OLFM3: variants seen among roughly 807,000 people sequenced by gnomAD.
OLFM3 encodes the protein olfactomedin 3.
Under a neutral mutation model 48.6 loss-of-function variants are expected in OLFM3, and 20 were observed. That is an observed-to-expected ratio of 0.41 (90% confidence interval 0.29 to 0.60). The LOEUF (loss-of-function observed/expected upper bound fraction) is 0.60, where lower values mean the gene tolerates loss of function less well. OLFM3 is among the 20% of genes least tolerant of loss of function. The pLI is 0.28. For synonymous variants in OLFM3, 222 were observed against 198.1 expected (o/e 1.12, Z -1.01); for missense variants, 437 against 544.3 (o/e 0.80, Z 1.96).
chr1:101,982,555 T>C (rs960347498), intron 1 of OLFM3, among the ~76,000 whole-genome samples: 6 of 152,166 alleles, frequency 3.9e-5, no homozygotes, highest in Admixed American at 6.5e-5. Context: ...ATACGTGAAG[T>C]TGCTTCCAAA....
At chr1:101,871,221 T>C (rs1469751554) in intron 1 of OLFM3, among the ~76,000 whole-genome samples, 1 of 152,096 alleles carries the variant, frequency 6.6e-6, no homozygotes, top group Non-Finnish European at 1.5e-5. Context: ...CAGGAATGAA[T>C]ATGTTTTAAG....
chr1:101,813,868 G>A (rs1347422900), intron 4 of OLFM3, among the ~76,000 whole-genome samples: 17 of 152,046 alleles, frequency 1.1e-4, no homozygotes, highest in Admixed American at 8.5e-4. Context: ...TACTTTAAAC[G>A]AAGAGTTAAT....
chr1:101,825,204 G>C lies in OLFM3; in HGVS notation c.414C>G (p.Pro138=), dbSNP rs138105539. 4 of 1,613,976 alleles carry C rather than the reference G, an allele frequency of 2.5e-6. No homozygotes were observed. The South Asian group carries it at 4.4e-5, about 18-fold the overall frequency. ...CATCTGTTTTGTACTGTTCCAGCAC[G>C]GGGATCAAAGGCAGGAGCTCGTCCA... ...EKMDELLPLI[P]VLEQYKTDAK... The change falls in exon 4 of 6, where the codon CCC becomes CCG. Residue 138 remains proline (P), a synonymous_variant. Transcript: ENST00000370103.
chr1:101,814,441 C>T (rs1654231256), intron 4 of OLFM3, among the ~76,000 whole-genome samples: 1 of 151,908 alleles, frequency 6.6e-6, no homozygotes, highest in Admixed American at 6.6e-5. Context: ...AAATTTAATG[C>T]CAAGATTTAA....
At chr1:101,895,611 A>G (rs1252002536) in intron 1 of OLFM3, among the ~76,000 whole-genome samples, 1 of 151,970 alleles carries the variant, frequency 6.6e-6, no homozygotes, top group Non-Finnish European at 1.5e-5. Flanking sequence ...TGGACCTTTG[A>G]TCCATGTCAA....
At chr1:101,967,590 G>GAAAAAAAAAAACAAAAAAAAAA (rs1660650587) in intron 1 of OLFM3, among the ~76,000 whole-genome samples, 1 of 44,570 alleles carries the variant, frequency 2.2e-5, no homozygotes, top group African/African-American at 1.1e-4. Flanking sequence ...CCTAGTCAGT[G>GAAAAAAAAAAACAAAAAAAAAA]AAAAAAAAAA....
intron 4 of OLFM3, among the ~76,000 whole-genome samples, chr1:101,823,475 C>T (rs1231264765): frequency 1.3e-5 from 2 of 151,886 alleles, no homozygotes; most frequent in African/African-American, 2.4e-5. Context: ...ATAACAACTC[C>T]ATGGTAAGAC....
rs551673366 is a variant in OLFM3 at position 101,974,459 on chromosome 1, T to C, written c.69+22289A>G. Among the ~76,000 whole-genome samples the C allele has an allele frequency of 3.9e-5, 6 of 152,312 alleles. No individual in the cohort carries two copies. The South Asian group carries it at 1.2e-3, about 32-fold the overall frequency. ...TAAAGGAGTGCCTTAAAGATCCTGA[T>C]ACCTTAATTGGACCAGTTTTACCCT... On this transcript the variant is annotated intron_variant, in intron 1 of 5. Coordinates refer to ENST00000370103, the MANE Select transcript of OLFM3 (RefSeq NM_058170.4).
chr1:101,834,004 T>G (rs1655285872), intron 2 of OLFM3, among the ~76,000 whole-genome samples: 1 of 152,240 alleles, frequency 6.6e-6, no homozygotes, highest in African/African-American at 2.4e-5. Context: ...GGAAGCTACA[T>G]AGTTAACAAA....
intron 1 of OLFM3, among the ~76,000 whole-genome samples, chr1:101,869,508 A>G (rs1656988962): frequency 1.3e-5 from 2 of 152,174 alleles, no homozygotes; most frequent in African/African-American, 4.8e-5. Flanking sequence ...CTTGCCTCAG[A>G]TGAGACTTTA....
chr1:101,933,569 AC>A, intron 1 of OLFM3, among the ~76,000 whole-genome samples: 1 of 152,286 alleles, frequency 6.6e-6, no homozygotes, highest in South Asian at 2.1e-4. Flanking sequence ...AATGTCCTCG[AC>A]CTCAATAGAG....
At chr1:101,887,255 G>A (rs1434951223) in intron 1 of OLFM3, among the ~76,000 whole-genome samples, 2 of 151,408 alleles carry the variant, frequency 1.3e-5, no homozygotes, top group East Asian at 3.9e-4. Context: ...GTGGCAGAAA[G>A]CATAATAAAC....
chr1:101,964,923 G>T (rs1358056542), intron 1 of OLFM3, among the ~76,000 whole-genome samples: 1 of 152,206 alleles, frequency 6.6e-6, no homozygotes, highest in Non-Finnish European at 1.5e-5. Flanking sequence ...TTATTTGAGG[G>T]TATGTCCTGT....
intron 1 of OLFM3, among the ~76,000 whole-genome samples, chr1:101,854,739 A>G (rs1656350627): frequency 6.6e-6 from 1 of 151,994 alleles, no homozygotes; most frequent in Non-Finnish European, 1.5e-5. Context: ...CACTCTTAAG[A>G]GCTCAGTCTT....
chr1:101,854,333 A>C (rs917845240), intron 1 of OLFM3, among the ~76,000 whole-genome samples: 1 of 151,986 alleles, frequency 6.6e-6, no homozygotes, highest in African/African-American at 2.4e-5. Flanking sequence ...TCACTAATGA[A>C]AGAATGAATT....
At chr1:101,956,358 A>G (rs957820205) in intron 1 of OLFM3, among the ~76,000 whole-genome samples, 1 of 151,786 alleles carries the variant, frequency 6.6e-6, no homozygotes, top group Non-Finnish European at 1.5e-5. Flanking sequence ...CCCACCCGTC[A>G]TCATTTGTCT....
At chr1:101,823,827 G>A (rs1375997199) in intron 4 of OLFM3, among the ~76,000 whole-genome samples, 3 of 151,984 alleles carry the variant, frequency 2.0e-5, no homozygotes, top group Non-Finnish European at 4.4e-5. Context: ...TTGAACATGT[G>A]TTTCGGCCTT....
intron 1 of OLFM3, among the ~76,000 whole-genome samples, chr1:101,971,044 G>A (rs995179549): frequency 2.0e-5 from 3 of 152,192 alleles, no homozygotes; most frequent in Non-Finnish European, 2.9e-5. Flanking sequence ...CTGAGATAAT[G>A]AAACTGTTTT....
At chr1:101,976,579 A>C (rs1050644795) in intron 1 of OLFM3, among the ~76,000 whole-genome samples, 1 of 152,176 alleles carries the variant, frequency 6.6e-6, no homozygotes, top group African/African-American at 2.4e-5. Context: ...CTATTATGTC[A>C]TGTACTTCCC....
Sources: gnomAD v4.1 joint callset for allele counts (sites outside exome capture counted in the v4.1 genomes callset) on GRCh38, gnomAD v4.1.1 for gene constraint, MANE v1.5 for transcripts, NCBI Gene and HGNC (gene_info 2026-07-23, HGNC 2026-07-21) for gene names.